SBF2: variants seen among roughly 807,000 people sequenced by gnomAD.
SBF2 encodes the protein SET binding factor 2, also known as myotubularin-related protein 13.
In SBF2, 112 loss-of-function variants were observed where a neutral mutation model predicts 225.2. The observed-to-expected ratio is 0.50, with a 90% confidence interval of 0.43 to 0.58. The LOEUF (loss-of-function observed/expected upper bound fraction) is 0.58. Ranked by LOEUF, SBF2 falls within the 20% of genes least tolerant of loss-of-function variation. The pLI is 0.00. For synonymous variants in SBF2, 763 were observed against 773.3 expected (o/e 0.99, Z 0.22); for missense variants, 1,996 against 2,206.2 (o/e 0.90, Z 1.91).
At chr11:9,941,146 C>T (rs1384811343) in intron 16 of SBF2, among the ~76,000 whole-genome samples, 2 of 151,598 alleles carry the variant, frequency 1.3e-5, no homozygotes, top group Admixed American at 6.6e-5. Flanking sequence ...CCTGTCTCTA[C>T]AAAAAAATAA....
At chr11:9,824,414 G>A (rs1268900720) in intron 28 of SBF2, among the ~76,000 whole-genome samples, 1 of 151,910 alleles carries the variant, frequency 6.6e-6, no homozygotes, top group Non-Finnish European at 1.5e-5. Flanking sequence ...AAAATTAGCT[G>A]GGCACGGTGG....
chr11:10,135,239 C>T (rs1374962195), intron 2 of SBF2, among the ~76,000 whole-genome samples: 2 of 152,252 alleles, frequency 1.3e-5, no homozygotes, highest in African/African-American at 2.4e-5. Flanking sequence ...CCCTAGACTG[C>T]ACACAGCAGT....
chr11:9,886,699 G>GTTTTTTTTTT (rs61240594), intron 17 of SBF2, among the ~76,000 whole-genome samples: 9,364 of 133,278 alleles, frequency 0.07, 706 homozygotes, highest in Non-Finnish European at 0.092. Context: ...TGATTCATGT[G>GTTTTTTTTTT]TTTTTTTTTT....
rs772898706 is a variant in SBF2 at position 9,787,766 on chromosome 11, C to T, written c.4933-28G>A. ...GCAAAGAAATTAAAAGTTTTCTGAT[C>T]AGTATTTCATAGAAATCAGGATGGG... On this transcript the variant is annotated intron_variant, in intron 35 of 39. Transcript: ENST00000256190. The T allele has an allele frequency of 4.8e-5, 76 of 1,594,862 alleles. No individual in the cohort carries two copies. The Admixed American group carries it at 1.3e-3, about 26-fold the overall frequency.
chr11:10,140,004 T>C (rs796680118), intron 2 of SBF2, among the ~76,000 whole-genome samples: 8 of 152,314 alleles, frequency 5.3e-5, no homozygotes, highest in African/African-American at 1.9e-4. Context: ...CATATAAATA[T>C]AGGAGATTAA....
At chr11:10,148,019 A>G (rs528245871) in intron 2 of SBF2, among the ~76,000 whole-genome samples, 28 of 152,354 alleles carry the variant, frequency 1.8e-4, no homozygotes, top group African/African-American at 6.0e-4. Flanking sequence ...AATGCTTAGC[A>G]TGGTACCTAA....
At chr11:9,811,002 A>C (rs910829392) in intron 30 of SBF2, 3 of 152,270 alleles carry the variant, frequency 2.0e-5, no homozygotes, top group Non-Finnish European at 4.4e-5. Flanking sequence ...AAAATATGGT[A>C]CATATACACC....
intron 6 of SBF2, among the ~76,000 whole-genome samples, chr11:10,006,981 C>T (rs1374177909): frequency 1.3e-5 from 2 of 152,130 alleles, no homozygotes; most frequent in South Asian, 2.1e-4. Context: ...CCAAGGCCGT[C>T]GGCACAAGAG....
At chr11:9,948,627 G>A (rs1034538675) in intron 16 of SBF2, among the ~76,000 whole-genome samples, 2 of 152,116 alleles carry the variant, frequency 1.3e-5, no homozygotes, top group African/African-American at 2.4e-5. Flanking sequence ...CACTAGACAT[G>A]CTCATTGCTA....
chr11:9,804,212 T>G (rs1300790042), intron 32 of SBF2, among the ~76,000 whole-genome samples: 1 of 152,206 alleles, frequency 6.6e-6, no homozygotes, highest in Non-Finnish European at 1.5e-5. Flanking sequence ...GTGGAAACAC[T>G]GAAAATAGCA....
chr11:10,229,758 G>A (rs1958745480), intron 1 of SBF2, among the ~76,000 whole-genome samples: 2 of 152,212 alleles, frequency 1.3e-5, no homozygotes, highest in Non-Finnish European at 2.9e-5. Context: ...TGGAACAGGT[G>A]TGGTGTGGTG....
rs1282971039 is a variant in SBF2 at position 9,780,373 on chromosome 11, C to A, written c.*45G>T. 4 of 1,487,562 alleles carry A rather than the reference C, an allele frequency of 2.7e-6. No individual in the cohort carries two copies. Among genetic ancestry groups the A allele is most frequent in the South Asian group, 1.1e-5 (1 of 87,916 alleles). The allele number at this position is 1,487,562 out of a possible 1,614,324, so 92.1% of individuals were successfully genotyped here. A position where few individuals can be genotyped will look rare whatever the true frequency, so the allele number is the denominator to read the frequency against. On this transcript the variant is annotated 3_prime_UTR_variant, in exon 40 of 40. Transcript: ENST00000256190. Reference sequence around the variant, plus strand: ...CATGCTTCTTTTTCTATCTATCTGGCAGCATGAGTTCTTCTGTTTCTTCTG... The same window carrying A: ...CATGCTTCTTTTTCTATCTATCTGGAAGCATGAGTTCTTCTGTTTCTTCTG...
intron 1 of SBF2, among the ~76,000 whole-genome samples, chr11:10,211,050 C>T (rs1033072492): frequency 1.9e-5 from 2 of 103,346 alleles, no homozygotes; most frequent in East Asian, 2.2e-4. Context: ...CTCTTGCTTG[C>T]TCAATGTACA....
intron 2 of SBF2, among the ~76,000 whole-genome samples, chr11:10,088,070 C>G (rs1242452025): frequency 6.6e-6 from 1 of 151,380 alleles, no homozygotes; most frequent in Non-Finnish European, 1.5e-5. Context: ...GTTGCCCAGG[C>G]TGGAGTGCAG....
At chr11:10,226,032 T>C (rs1039453105) in intron 1 of SBF2, among the ~76,000 whole-genome samples, 1 of 152,168 alleles carries the variant, frequency 6.6e-6, no homozygotes, top group Admixed American at 6.5e-5. Flanking sequence ...CTGTTTACTA[T>C]AAAACTGAAA....
At chr11:10,127,286 T>A (rs1218396942) in intron 2 of SBF2, among the ~76,000 whole-genome samples, 2 of 152,116 alleles carry the variant, frequency 1.3e-5, no homozygotes, top group Admixed American at 1.3e-4. Flanking sequence ...TAGTTTGAAA[T>A]GTTTTTCACA....
chr11:10,058,410 G>C (rs1950325384), intron 2 of SBF2, among the ~76,000 whole-genome samples: 1 of 152,066 alleles, frequency 6.6e-6, no homozygotes, highest in South Asian at 2.1e-4. Context: ...ACTGAGGAAA[G>C]AATCTCAGAA....
rs755754461 is a variant in SBF2, at chr11:9,785,189, T to C, written c.5167A>G (p.Asn1723Asp). 6.2e-7 allele frequency: 1 copy of C among 1,614,098 alleles called. No individual in the cohort carries two copies. The highest frequency in any genetic ancestry group is 1.3e-5 in the African/African-American group (1 of 75,048). ...EEQNSSISPS[N>D]GVERRAATLY... is the part of the protein sequence containing the mutation. Reference sequence around the variant, plus strand: ...GTGGCTGCTCTTCGCTCCACTCCATTGGATGGGGAGATGCTGGAATTCTGT... The same window carrying C: ...GTGGCTGCTCTTCGCTCCACTCCATCGGATGGGGAGATGCTGGAATTCTGT... The change falls in exon 37 of 40, where the codon AAT becomes GAT. Residue 1723 changes from asparagine to aspartate, a missense_variant. Coordinates refer to ENST00000256190, the MANE Select transcript of SBF2 (RefSeq NM_030962.4).
intron 2 of SBF2, among the ~76,000 whole-genome samples, chr11:10,102,551 T>C (rs1412917003): frequency 1.3e-5 from 2 of 152,172 alleles, no homozygotes. Context: ...TTTTGTGTAG[T>C]TCAGAGGGTT....
Sources: allele counts gnomAD v4.1 joint callset (sites outside exome capture counted in the v4.1 genomes callset), GRCh38; gene constraint gnomAD v4.1.1; transcripts MANE v1.5; gene names NCBI Gene and HGNC (gene_info 2026-07-23, HGNC 2026-07-21).